Variants in SLC24A2 observed in about 807,000 individuals in gnomAD.
SLC24A2 encodes sodium/potassium/calcium exchanger 2.
In SLC24A2, 36 loss-of-function variants were observed where a neutral mutation model predicts 62.0. That is an observed-to-expected ratio of 0.58 (90% CI 0.44 to 0.77). The LOEUF (loss-of-function observed/expected upper bound fraction) is 0.77. SLC24A2 is among the 30% of genes least tolerant of loss of function. SLC24A2 has a pLI of 0.00. For synonymous variants in SLC24A2, 358 were observed against 294.0 expected (o/e 1.22, Z -2.23); for missense variants, 846 against 817.9 (o/e 1.03, Z -0.42).
chr9:20,094,361 T>A, the SLC24A2 span, among the ~76,000 whole-genome samples: 1 of 152,212 alleles, frequency 6.6e-6, no homozygotes, highest in Non-Finnish European at 1.5e-5. Flanking sequence ...ATTTGTCAGA[T>A]GTTTTCTTTA....
chr9:19,624,648 C>T (rs1380399537), intron 2 of SLC24A2, among the ~76,000 whole-genome samples: 1 of 152,152 alleles, frequency 6.6e-6, no homozygotes, highest in African/African-American at 2.4e-5. Flanking sequence ...CAGTTGACAT[C>T]ATTCGTTTTC....
At chr9:20,275,981 G>C in the SLC24A2 span, among the ~76,000 whole-genome samples, 1 of 152,150 alleles carries the variant, frequency 6.6e-6, no homozygotes, top group Non-Finnish European at 1.5e-5. Context: ...TCCCTCCCAT[G>C]ACACGTGGGG....
At chr9:19,909,668 A>G in the SLC24A2 span, among the ~76,000 whole-genome samples, 1 of 152,092 alleles carries the variant, frequency 6.6e-6, no homozygotes, top group Admixed American at 6.6e-5. Context: ...TTCTCTGGTG[A>G]TTAGAGTCAC....
the SLC24A2 span, among the ~76,000 whole-genome samples, chr9:19,884,781 T>C: frequency 6.6e-6 from 1 of 152,180 alleles, no homozygotes; most frequent in Non-Finnish European, 1.5e-5. Flanking sequence ...TAATATAAAA[T>C]AGGCTTTGTG....
the SLC24A2 span, among the ~76,000 whole-genome samples, chr9:20,052,031 G>A: frequency 6.6e-6 from 1 of 152,068 alleles, no homozygotes; most frequent in African/African-American, 2.4e-5. Flanking sequence ...ATAGTTCCCG[G>A]AACAGTGAAA....
At chr9:20,269,962 T>C in the SLC24A2 span, among the ~76,000 whole-genome samples, 1 of 152,184 alleles carries the variant, frequency 6.6e-6, no homozygotes, top group Non-Finnish European at 1.5e-5. Flanking sequence ...TCCAGGGGCA[T>C]GGCCCTGCCT....
the SLC24A2 span, among the ~76,000 whole-genome samples, chr9:20,118,859 C>A: frequency 2.5e-3 from 382 of 152,196 alleles, 2 homozygotes; most frequent in Middle Eastern, 0.01. Context: ...CCCTTGAGTG[C>A]AGATGGGTAC....
At chr9:19,584,648 G>C (rs146350655) in intron 5 of SLC24A2, among the ~76,000 whole-genome samples, 1 of 151,932 alleles carries the variant, frequency 6.6e-6, no homozygotes, top group Non-Finnish European at 1.5e-5. Context: ...ATTATTGTAA[G>C]TTTTAGGGTA....
intron 5 of SLC24A2, among the ~76,000 whole-genome samples, chr9:19,579,784 A>G (rs970464545): frequency 6.6e-6 from 1 of 152,206 alleles, no homozygotes; most frequent in African/African-American, 2.4e-5. Context: ...ACTTGTGGTT[A>G]TAAGAATCTT....
chr9:19,544,979 C>G (rs1049388692), intron 8 of SLC24A2, among the ~76,000 whole-genome samples: 7 of 152,130 alleles, frequency 4.6e-5, no homozygotes, highest in Non-Finnish European at 1.5e-5. Context: ...GCCTGTCTTG[C>G]TAGGTTGGGG....
chr9:19,706,095 T>C (rs1020841653), intron 2 of SLC24A2, among the ~76,000 whole-genome samples: 16 of 152,122 alleles, frequency 1.1e-4, no homozygotes, highest in Non-Finnish European at 1.6e-4. Context: ...ACTAAGGACT[T>C]GCTTTATGAA....
At chr9:19,991,085 T>C in the SLC24A2 span, among the ~76,000 whole-genome samples, 4 of 151,626 alleles carry the variant, frequency 2.6e-5, no homozygotes, top group African/African-American at 7.3e-5. Context: ...AAGGAGTTTA[T>C]TAAGGAGTAT....
chr9:20,118,751 A>G, the SLC24A2 span, among the ~76,000 whole-genome samples: 37,991 of 151,998 alleles, frequency 0.25, 5,141 homozygotes, highest in East Asian at 0.58. Flanking sequence ...GACCAAAAAT[A>G]ATAGGCTAAT....
chr9:19,520,842 CAA>C, intron 10 of SLC24A2, 50 bp downstream of exon 10: 2 of 1,568,618 alleles, frequency 1.3e-6, no homozygotes, highest in South Asian at 1.1e-5. Flanking sequence ...TCTAAGAAGA[CAA>C]AGACACTGGT....
intron 2 of SLC24A2, among the ~76,000 whole-genome samples, chr9:19,675,825 C>T (rs1819545765): frequency 6.6e-6 from 1 of 152,158 alleles, no homozygotes; most frequent in Non-Finnish European, 1.5e-5. Flanking sequence ...GCTGTGGCTT[C>T]GTGCTGTGTC....
the SLC24A2 span, among the ~76,000 whole-genome samples, chr9:20,132,969 A>C: frequency 9.2e-5 from 14 of 152,064 alleles, no homozygotes; most frequent in Non-Finnish European, 1.8e-4. Flanking sequence ...TTGATTTGTC[A>C]ATGTGGCTAG....
the SLC24A2 span, among the ~76,000 whole-genome samples, chr9:19,992,756 C>T: frequency 6.6e-6 from 1 of 152,168 alleles, no homozygotes; most frequent in African/African-American, 2.4e-5. Context: ...GAAATATGCT[C>T]CCAGCTGCAC....
the SLC24A2 span, among the ~76,000 whole-genome samples, chr9:19,946,353 G>A: frequency 1.4e-3 from 207 of 152,316 alleles, no homozygotes; most frequent in Non-Finnish European, 2.3e-3. Context: ...TTTCAACTAA[G>A]TGTGCTCAGT....
At chr9:19,837,386 A>G in the SLC24A2 span, among the ~76,000 whole-genome samples, 31 of 133,954 alleles carry the variant, frequency 2.3e-4, no homozygotes, top group Middle Eastern at 8.1e-3. Flanking sequence ...CGGGAAGTGG[A>G]GCTTGCAGTG....
Sources: gnomAD v4.1 joint callset for allele counts (sites outside exome capture counted in the v4.1 genomes callset) on GRCh38, gnomAD v4.1.1 for gene constraint, MANE v1.5 for transcripts, NCBI Gene and HGNC (gene_info 2026-07-23, HGNC 2026-07-21) for gene names.